The following GATAD2B variants were observed in gnomAD, a reference collection of about 807,000 sequenced individuals.
The protein encoded by GATAD2B is GATA zinc finger domain containing 2B.
In GATAD2B, 8 loss-of-function variants were observed where a neutral mutation model predicts 64.3. The observed-to-expected ratio is 0.12, with a 90% CI of 0.07 to 0.22. GATAD2B has a LOEUF of 0.22. Ranked by LOEUF, GATAD2B falls within the 10% of genes least tolerant of loss-of-function variation. The pLI is 1.00. For missense variants in GATAD2B, 453 were observed against 752.0 expected, an observed-to-expected ratio of 0.60 and a Z score of 4.65; for synonymous variants, 281 against 271.3, an observed-to-expected ratio of 1.04 and a Z score of -0.35.
intron 1 of GATAD2B, among the ~76,000 whole-genome samples, chr1:153,919,607 TAGA>T (rs1236459148): frequency 3.9e-5 from 6 of 152,292 alleles, no homozygotes; most frequent in African/African-American, 1.4e-4. Context: ...ATATGGCTAA[TAGA>T]AGATACACCA....
rs1215568104 is a variant in GATAD2B at position 153,862,553 on chromosome 1, C to A, written c.-1-34205G>T. Among the ~76,000 whole-genome samples the A allele has an allele frequency of 2.0e-5, 3 of 152,086 alleles. No individual in the cohort carries two copies. The East Asian group carries it at 5.8e-4, about 29-fold the overall frequency. On this transcript the variant is annotated intron_variant, in intron 1 of 10. Transcript: ENST00000368655. ...GCTTGTAGAAGAAACTAGCTTCCAG[C>A]TTGCCAGTTTCCACACACAATCATT...
intron 1 of GATAD2B, among the ~76,000 whole-genome samples, chr1:153,859,980 C>T (rs181037386): frequency 3.9e-5 from 5 of 128,860 alleles, no homozygotes; most frequent in African/African-American, 1.5e-4. Context: ...TGCACTGGCG[C>T]GATCTCAGCT....
chr1:153,922,682 C>G (rs945219288), intron 1 of GATAD2B, 51 bp downstream of exon 1: 1 of 152,420 alleles, frequency 6.6e-6, no homozygotes, highest in African/African-American at 2.4e-5. Context: ...TCGCTCCTCA[C>G]CGCCCCCGGG....
At chr1:153,866,109 C>T (rs1392717978) in intron 1 of GATAD2B, among the ~76,000 whole-genome samples, 1 of 148,780 alleles carries the variant, frequency 6.7e-6, no homozygotes, top group Non-Finnish European at 1.5e-5. Context: ...GAGACAGAGG[C>T]AGAACAATCG....
chr1:153,846,039 T>C (rs1675676108), intron 1 of GATAD2B, among the ~76,000 whole-genome samples: 1 of 151,900 alleles, frequency 6.6e-6, no homozygotes, highest in Admixed American at 6.6e-5. Flanking sequence ...CTGGTTAATA[T>C]TTACCTACAA....
chr1:153,856,668 G>C (rs968171714), intron 1 of GATAD2B, among the ~76,000 whole-genome samples: 2 of 152,026 alleles, frequency 1.3e-5, no homozygotes, highest in South Asian at 2.1e-4. Context: ...CCAGCACTTT[G>C]GGAAACTGAG....
At chr1:153,829,974 T>C (rs959263068) in intron 1 of GATAD2B, among the ~76,000 whole-genome samples, 1 of 151,784 alleles carries the variant, frequency 6.6e-6, no homozygotes, top group Non-Finnish European at 1.5e-5. Flanking sequence ...AGCTTTCATG[T>C]AGTCCCAGCT....
At chr1:153,841,124 C>CAAAAAAAAAAAAAAAAAA (rs941317761) in intron 1 of GATAD2B, among the ~76,000 whole-genome samples, 7 of 77,400 alleles carry the variant, frequency 9.0e-5, no homozygotes, top group Middle Eastern at 5.5e-3. Flanking sequence ...GACTCCGTCT[C>CAAAAAAAAAAAAAAAAAA]AAAAAAAAAA....
Position 153,876,227 on chromosome 1 carries a change from C to CAAAAAAAAAAAAAAAAA in GATAD2B, c.-2+46489_-2+46505dup. On this transcript the variant is annotated intron_variant, in intron 1 of 10. Coordinates refer to ENST00000368655, the MANE Select transcript of GATAD2B (RefSeq NM_020699.4). ...TGGGCAACACAGTGAGACTTCGTCTCAAAAAAAAAAAAAAAAAAAAAAAAA... is the reference window on the plus strand; with the variant it reads ...TGGGCAACACAGTGAGACTTCGTCTCAAAAAAAAAAAAAAAAAAAAAAAAAAAAAAAAAAAAAAAAAA... 1.4e-3 allele frequency among the ~76,000 whole-genome samples: 69 copies of CAAAAAAAAAAAAAAAAA among 48,428 alleles called. 10 individuals carry two copies. Among genetic ancestry groups the CAAAAAAAAAAAAAAAAA allele is most frequent in the Non-Finnish European group, 1.5e-3 (43 of 28,614 alleles). 31.8% of individuals were successfully genotyped at this position (48,428 alleles called of 152,430 possible).
chr1:153,811,942 C>G, intron 9 of GATAD2B, 80 bp downstream of exon 9: 1 of 1,271,352 alleles, frequency 7.9e-7, no homozygotes, highest in Non-Finnish European at 1.1e-6. Context: ...ACTATGATTT[C>G]CCACAATAGA....
intron 1 of GATAD2B, among the ~76,000 whole-genome samples, chr1:153,847,281 T>C (rs1675719415): frequency 6.6e-6 from 1 of 152,198 alleles, no homozygotes; most frequent in South Asian, 2.1e-4. Flanking sequence ...ACTTCTATTT[T>C]TAATGTCAGT....
intron 1 of GATAD2B, among the ~76,000 whole-genome samples, chr1:153,840,250 G>C (rs1489668269): frequency 6.6e-6 from 1 of 151,304 alleles, no homozygotes; most frequent in Non-Finnish European, 1.5e-5. Flanking sequence ...GTCCAGGCTG[G>C]TCTTGAACTC....
chr1:153,836,979 C>T (rs1237071041), intron 1 of GATAD2B, among the ~76,000 whole-genome samples: 2 of 152,160 alleles, frequency 1.3e-5, no homozygotes, highest in Admixed American at 6.6e-5. Context: ...GTAAGTCTTT[C>T]CTAATAGATA....
rs1678496514 is a variant in GATAD2B at position 153,922,714 on chromosome 1, C to T, written c.-2+19G>A. 6.6e-6 allele frequency: 1 copy of T among 151,714 alleles called. No individual in the cohort carries two copies. Among genetic ancestry groups the T allele is most frequent in the South Asian group, 2.1e-4 (1 of 4,818 alleles). The allele number at this position is 151,714 out of a possible 1,614,324, so 9.4% of individuals were successfully genotyped here. ...CGGGCGGGCGGGCGGCCAGGCTGGC[C>T]TAGGCCAAAGCTCCTCACCTGGCGG... On this transcript the variant is annotated intron_variant, in intron 1 of 10. Coordinates refer to ENST00000368655, the MANE Select transcript of GATAD2B (RefSeq NM_020699.4).
intron 2 of GATAD2B, among the ~76,000 whole-genome samples, chr1:153,826,169 A>C (rs905427154): frequency 6.6e-6 from 1 of 151,950 alleles, no homozygotes; most frequent in Non-Finnish European, 1.5e-5. Flanking sequence ...ATGCCTGGCA[A>C]ATTTTTTGTA....
chr1:153,842,545 TA>T (rs1329529029), intron 1 of GATAD2B, among the ~76,000 whole-genome samples: 7 of 55,220 alleles, frequency 1.3e-4, no homozygotes, highest in Admixed American at 9.1e-4. Flanking sequence ...TAATCATTAA[TA>T]ATATATAGCA....
At chr1:153,900,195 A>C (rs985842527) in intron 1 of GATAD2B, among the ~76,000 whole-genome samples, 1 of 152,074 alleles carries the variant, frequency 6.6e-6, no homozygotes, top group African/African-American at 2.4e-5. Context: ...AGGCAGGCGG[A>C]TCACGAGGTC....
chr1:153,877,300 A>G (rs375875291), intron 1 of GATAD2B, among the ~76,000 whole-genome samples: 1 of 151,706 alleles, frequency 6.6e-6, no homozygotes. Context: ...CTATGATCAC[A>G]CTACTGCACT....
At chr1:153,912,953 C>T (rs773243614) in intron 1 of GATAD2B, among the ~76,000 whole-genome samples, 1 of 151,886 alleles carries the variant, frequency 6.6e-6, no homozygotes, top group African/African-American at 2.4e-5. Context: ...ATTAGCCAGG[C>T]GTGGTGGAGG....
Sources: gnomAD v4.1 joint callset for allele counts (sites outside exome capture counted in the v4.1 genomes callset) on GRCh38, gnomAD v4.1.1 for gene constraint, MANE v1.5 for transcripts, NCBI Gene and HGNC (gene_info 2026-07-23, HGNC 2026-07-21) for gene names.